The following ARID2 variants were observed in gnomAD, a reference collection of about 807,000 sequenced individuals.
The protein encoded by ARID2 is AT-rich interaction domain 2, also known as AT-rich interactive domain-containing protein 2.
Under a neutral mutation model 184.6 loss-of-function variants are expected in ARID2, and 32 were observed. The ratio of observed to expected loss-of-function variants is 0.17; its 90% CI spans 0.13 to 0.23. ARID2 has a LOEUF of 0.23. Among genes scored for constraint, ARID2 ranks in the 10% least tolerant of loss-of-function variants. The pLI is 1.00. For missense variants in ARID2, 1,696 were observed against 2,197.6 expected (o/e 0.77, Z 4.56); for synonymous variants, 836 against 772.6 (o/e 1.08, Z -1.36).
intron 20 of ARID2, among the ~76,000 whole-genome samples, chr12:45,901,267 T>C (rs978491604): frequency 2.7e-5 from 4 of 145,738 alleles, no homozygotes; most frequent in Non-Finnish European, 6.0e-5. Flanking sequence ...ACCTCCCAGG[T>C]TCACGCCATT....
chr12:45,898,514 T>A (rs1476207186), intron 20 of ARID2, among the ~76,000 whole-genome samples: 1 of 152,180 alleles, frequency 6.6e-6, no homozygotes, highest in Admixed American at 6.5e-5. Context: ...TGGAAGTGAC[T>A]GCTAATGGGT....
intron 16 of ARID2, among the ~76,000 whole-genome samples, chr12:45,861,656 C>T (rs1250616858): frequency 6.8e-6 from 1 of 146,926 alleles, no homozygotes; most frequent in Non-Finnish European, 1.5e-5. Flanking sequence ...GCTATCTCCA[C>T]TCACTGCAAC....
chr12:45,795,503 C>T (rs538361854), intron 3 of ARID2, among the ~76,000 whole-genome samples: 4 of 152,180 alleles, frequency 2.6e-5, no homozygotes, highest in South Asian at 2.1e-4. Context: ...GCGATCTCGG[C>T]TCACTGCAAA....
At chr12:45,845,040 T>C (rs961085761) in intron 11 of ARID2, among the ~76,000 whole-genome samples, 1 of 152,230 alleles carries the variant, frequency 6.6e-6, no homozygotes, top group Non-Finnish European at 1.5e-5. Flanking sequence ...TCAGGTATCC[T>C]GAGGGCAGTG....
chr12:45,738,779 C>CTTTT (rs11333868), intron 3 of ARID2, among the ~76,000 whole-genome samples: 671 of 62,152 alleles, frequency 0.011, 93 homozygotes, highest in African/African-American at 0.03. Flanking sequence ...ATATGGGCTA[C>CTTTT]TTTTTTTTTT....
chr12:45,755,085 C>T (rs1490740105), intron 3 of ARID2, among the ~76,000 whole-genome samples: 2 of 152,150 alleles, frequency 1.3e-5, no homozygotes, highest in Non-Finnish European at 1.5e-5. Flanking sequence ...TCTGCTGCAT[C>T]GGAGGCGTTA....
intron 6 of ARID2, among the ~76,000 whole-genome samples, chr12:45,829,803 T>TC (rs72076489): frequency 0.023 from 1,297 of 56,614 alleles, 16 homozygotes; most frequent in African/African-American, 0.083. Context: ...TTCTTCTTCT[T>TC]TTTTTTTTTT....
At chr12:45,731,372 G>T in intron 3 of ARID2, 58 bp downstream of exon 3, 1 of 1,323,628 alleles carries the variant, frequency 7.6e-7, no homozygotes, top group East Asian at 2.3e-5. Context: ...GGAGAGATTT[G>T]TTTTTAGCAA....
intron 6 of ARID2, among the ~76,000 whole-genome samples, chr12:45,835,911 A>AT (rs1279262154): frequency 6.6e-6 from 1 of 151,846 alleles, no homozygotes; most frequent in African/African-American, 2.4e-5. Flanking sequence ...AAAAAAAAAA[A>AT]CAAAAACAAA....
chr12:45,837,841 T>C, intron 10 of ARID2, 134 bp downstream of exon 10: 1 of 664,612 alleles, frequency 1.5e-6, no homozygotes, highest in Non-Finnish European at 2.4e-6. Context: ...CAGGCATACT[T>C]GTTTCCATTA....
chr12:45,861,198 A>G (rs1420287709), intron 16 of ARID2, among the ~76,000 whole-genome samples: 5 of 152,238 alleles, frequency 3.3e-5, no homozygotes, highest in Admixed American at 2.6e-4. Context: ...TGTTTTCAGT[A>G]AAGAAAATCA....
intron 16 of ARID2, among the ~76,000 whole-genome samples, chr12:45,864,231 TG>T: frequency 6.6e-6 from 1 of 152,310 alleles, no homozygotes; most frequent in East Asian, 1.9e-4. Flanking sequence ...CTTGGTTTTT[TG>T]ATCTGTAAGC....
chr12:45,840,518 A>T (rs1252035373), intron 11 of ARID2: 1 of 151,956 alleles, frequency 6.6e-6, no homozygotes, highest in Non-Finnish European at 1.5e-5. Flanking sequence ...ATCTCTTTTT[A>T]TTTACTCACT....
At chr12:45,874,697 T>C (rs1943982843) in intron 16 of ARID2, among the ~76,000 whole-genome samples, 1 of 152,192 alleles carries the variant, frequency 6.6e-6, no homozygotes, top group African/African-American at 2.4e-5. Flanking sequence ...TATTTCGACC[T>C]CCTCCCATGA....
chr12:45,865,379 A>G (rs1028602816), intron 16 of ARID2, among the ~76,000 whole-genome samples: 1 of 152,122 alleles, frequency 6.6e-6, no homozygotes, highest in African/African-American at 2.4e-5. Context: ...CATTTTTTCA[A>G]TTAATCATTT....
At chr12:45,868,777 G>T (rs941024056) in intron 16 of ARID2, among the ~76,000 whole-genome samples, 1 of 152,090 alleles carries the variant, frequency 6.6e-6, no homozygotes, top group East Asian at 1.9e-4. Flanking sequence ...TAAATGCTGT[G>T]CCTATTTCTG....
chr12:45,845,259 G>T (rs766930726), intron 11 of ARID2, among the ~76,000 whole-genome samples: 19 of 152,110 alleles, frequency 1.2e-4, no homozygotes, highest in Non-Finnish European at 2.5e-4. Flanking sequence ...ATAAAGGGAG[G>T]AAGATTTCTA....
chr12:45,811,280 C>A, intron 3 of ARID2, 138 bp from the exon 4 acceptor site: 1 of 883,276 alleles, frequency 1.1e-6, no homozygotes, highest in Non-Finnish European at 1.6e-6. Flanking sequence ...AGTTACTGTT[C>A]TAATATAAGA....
At chr12:45,797,939 ATAATG>A (rs1038679083) in intron 3 of ARID2, among the ~76,000 whole-genome samples, 5 of 152,046 alleles carry the variant, frequency 3.3e-5, no homozygotes, top group African/African-American at 4.8e-5. Flanking sequence ...AAGAAAATAA[ATAATG>A]TAAAGGATGG....
Sources: allele counts gnomAD v4.1 joint callset (sites outside exome capture counted in the v4.1 genomes callset), GRCh38; gene constraint gnomAD v4.1.1; transcripts MANE v1.5; gene names NCBI Gene and HGNC (gene_info 2026-07-23, HGNC 2026-07-21).